The following NOTCH3 variants were observed in gnomAD, a reference collection of about 807,000 sequenced individuals.
NOTCH3 encodes notch receptor 3.
NOTCH3 carries 86 observed loss-of-function variants against 213.3 expected under a neutral mutation model. The ratio of observed to expected loss-of-function variants is 0.40; its 90% CI spans 0.34 to 0.48. The LOEUF (loss-of-function observed/expected upper bound fraction) is 0.48. Among genes scored for constraint, NOTCH3 ranks in the 20% least tolerant of loss-of-function variants. The probability of loss-of-function intolerance (pLI) is 0.57; values close to 1 mark genes in which losing one functional copy is unlikely to be tolerated. For missense variants in NOTCH3, 2,783 were observed against 3,272.6 expected, an observed-to-expected ratio of 0.85 and a Z score of 3.65; for synonymous variants, 1,354 against 1,355.9, an observed-to-expected ratio of 1.00 and a Z score of 0.03.
chr19:15,178,711 C>T, intron 23 of NOTCH3, 112 bp downstream of exon 23: 1 of 807,076 alleles, frequency 1.2e-6, no homozygotes, highest in South Asian at 1.4e-5. Context: ...CCAGAAACTC[C>T]CTTCCCTTCG....
rs1456247012 is a variant in NOTCH3 at position 15,200,804 on chromosome 19, C to A, written c.102G>T (p.Ala34=). Residue 34 remains alanine (A), a synonymous_variant, in exon 1 of 33, where the codon GCG becomes GCT. Transcript: ENST00000263388. ...VRALPLLLLL[A]GPGAAAPPCL... is the part of the protein sequence containing the mutation. ...GCCCCTCACCTGCAGCCCCCGGCCC[C>A]GCTAGCAGCAGCAGCAGGGGCAGCG... is the stretch of plus-strand genomic sequence containing the variant. The A allele has an allele frequency of 7.9e-7, 1 of 1,272,938 alleles. No homozygotes were observed. Among genetic ancestry groups the A allele is most frequent in the Non-Finnish European group, 1.0e-6 (1 of 1,003,654 alleles). 78.9% of individuals were successfully genotyped at this position (1,272,938 alleles called of 1,614,324 possible).
intron 15 of NOTCH3, among the ~76,000 whole-genome samples, 175 bp downstream of exon 15, chr19:15,184,731 A>C (rs987595017): frequency 2.0e-5 from 3 of 152,124 alleles, no homozygotes; most frequent in African/African-American, 7.2e-5. Context: ...TTCCTCTTCC[A>C]AGGGCTGACC....
chr19:15,199,562 G>A (rs747531126), intron 1 of NOTCH3, among the ~76,000 whole-genome samples: 17 of 152,214 alleles, frequency 1.1e-4, no homozygotes, highest in Non-Finnish European at 1.9e-4. Context: ...GTATGTCAAT[G>A]TGTGAGCTGT....
At chr19:15,174,934 G>A (rs960383770) in intron 24 of NOTCH3, among the ~76,000 whole-genome samples, 10 of 151,974 alleles carry the variant, frequency 6.6e-5, no homozygotes, top group South Asian at 4.2e-4. Context: ...TGCCCACGCC[G>A]GAGTGCAGTG....
Position 15,185,090 on chromosome 19 carries a change from C to G in NOTCH3, c.2297-71G>C. Reference sequence around the variant, plus strand: ...TCCCTGATCCCATCTCCCCCCACCTCCCCCAACCCCAGGGTCCCCACCTTG... The same window carrying G: ...TCCCTGATCCCATCTCCCCCCACCTGCCCCAACCCCAGGGTCCCCACCTTG... On this transcript the variant is annotated intron_variant, in intron 14 of 32. Coordinates refer to ENST00000263388, the MANE Select transcript of NOTCH3 (RefSeq NM_000435.3). The surrounding 1 kb of genome is among the most constrained non-coding windows in gnomAD (Gnocchi z 4.2). The G allele has an allele frequency of 8.5e-7, 1 of 1,181,756 alleles. No homozygotes were observed. 73.2% of individuals were successfully genotyped at this position (1,181,756 alleles called of 1,614,324 possible). A position where few individuals can be genotyped will look rare whatever the true frequency, so the allele number is the denominator to read the frequency against.
At chr19:15,179,550 T>C (rs547597679) in intron 20 of NOTCH3, 54 bp from the exon 21 acceptor site, 2 of 1,594,476 alleles carry the variant, frequency 1.3e-6, no homozygotes, top group East Asian at 2.2e-5. Flanking sequence ...CAGACCCACC[T>C]GGACATACCC....
chr19:15,200,717 C>T (rs938024758), intron 1 of NOTCH3, 71 bp downstream of exon 1: 3 of 1,143,132 alleles, frequency 2.6e-6, no homozygotes, highest in Non-Finnish European at 3.3e-6. Context: ...CCCCCGCCAG[C>T]CCCGGCCTTG....
intron 28 of NOTCH3, among the ~76,000 whole-genome samples, chr19:15,169,186 G>GTCTCTGTCTCTCTC (rs1555726050): frequency 6.8e-6 from 1 of 146,656 alleles, no homozygotes; most frequent in Non-Finnish European, 1.5e-5. Flanking sequence ...TGTCAAATCT[G>GTCTCTGTCTCTCTC]TCTCTCTCTC....
In NOTCH3 at chr19:15,170,713, C is replaced by A; in HGVS notation, c.4849G>T (p.Val1617Leu). 1 of 1,601,182 alleles carries A rather than the reference C, an allele frequency of 6.2e-7. No homozygotes were observed. The highest frequency in any genetic ancestry group is 8.5e-7 in the Non-Finnish European group (1 of 1,174,568). Residue 1617 changes from valine to leucine, a missense_variant, in exon 26 of 33, where the codon GTG becomes TTG. By Grantham distance (32) the Val-to-Leu change is conservative. This residue lies in a region of NOTCH3 where 636 missense variants were observed against 801.8 expected (regional missense o/e 0.79). Transcript: ENST00000263388. The stretch of plus-strand genomic sequence containing the variant: ...GGGTACGGGAAGTCCAGGCGCTCCA[C>A]CGCTGACAACGCTCCCAGGTAGTCA... ...AADYLGALSA[V>L]ERLDFPYPLR...
In NOTCH3 at chr19:15,200,776, C is replaced by T; in HGVS notation, c.118+12G>A. The T allele has an allele frequency of 1.5e-6, 2 of 1,292,718 alleles. No homozygotes were observed. The highest frequency in any genetic ancestry group is 2.0e-6 in the Non-Finnish European group (2 of 1,014,756). 80.1% of individuals were successfully genotyped at this position (1,292,718 alleles called of 1,614,324 possible). On this transcript the variant is annotated intron_variant, in intron 1 of 32. Coordinates refer to ENST00000263388, the MANE Select transcript of NOTCH3 (RefSeq NM_000435.3). ...CCGCCCTCGTCCCATCCGCCAGGTC[C>T]CGGCCCCTCACCTGCAGCCCCCGGC... is the stretch of plus-strand genomic sequence containing the variant.
At chr19:15,177,412 A>G (rs1031308901) in intron 24 of NOTCH3, 113 bp downstream of exon 24, 28 of 959,548 alleles carry the variant, frequency 2.9e-5, no homozygotes, top group Non-Finnish European at 4.4e-5. Flanking sequence ...TAGAGTGCAC[A>G]GAGAAACAGA....
Position 15,166,109 on chromosome 19 carries a change from T to C in NOTCH3, c.5363-18A>G. 6.2e-7 allele frequency: 1 copy of C among 1,611,600 alleles called. No homozygotes were observed. The highest frequency in any genetic ancestry group is 2.2e-5 in the East Asian group (1 of 44,858). On this transcript the variant is annotated intron_variant, in intron 29 of 32. Coordinates refer to ENST00000263388, the MANE Select transcript of NOTCH3 (RefSeq NM_000435.3). ...GAAGCCATCTGCAGGGACAGGAGTG[T>C]GTCAGCAGGAAGGTAAACACAGGGC...
Position 15,181,590 on chromosome 19 carries a change from G to A in NOTCH3, c.2778C>T (p.Pro926=). Residue 926 remains proline, a synonymous_variant, in exon 17 of 33, where the codon CCC becomes CCT. Coordinates refer to ENST00000263388, the MANE Select transcript of NOTCH3 (RefSeq NM_000435.3). The part of the protein sequence containing the change: ...YGGFHCEQDL[P]DCSPSSCFNG... ...GCCCCGCCCACCTGGGGCTGCAGTC[G>A]GGCAGGTCCTGTTCGCAGTGGAAGC... The A allele has an allele frequency of 6.5e-7, 1 of 1,550,266 alleles. No individual in the cohort carries two copies. The highest frequency in any genetic ancestry group is 8.7e-7 in the Non-Finnish European group (1 of 1,146,568).
In NOTCH3 at chr19:15,181,645, A is replaced by T. The variant is rs753893262; in HGVS notation, c.2723T>A (p.Phe908Tyr). Reference sequence around the variant, plus strand: ...GTAGCCTGGCGGGCAGGTGCAGGTGAAGGAGGCCACGTGGTCGGTACAGGT... The same window carrying T: ...GTAGCCTGGCGGGCAGGTGCAGGTGTAGGAGGCCACGTGGTCGGTACAGGT... ...PGTCTDHVAS[F>Y]TCTCPPGYGG... The change falls in exon 17 of 33, where the codon TTC becomes TAC. Residue 908 changes from phenylalanine (F) to tyrosine (Y), a missense_variant. Phe to Tyr is a conservative substitution (Grantham distance 22). Coordinates refer to ENST00000263388, the MANE Select transcript of NOTCH3 (RefSeq NM_000435.3). 3.3e-5 allele frequency: 51 copies of T among 1,551,944 alleles called. No homozygotes were observed. The South Asian group carries it at 5.9e-4, about 18-fold the overall frequency.
chr19:15,178,112 G>A, intron 23 of NOTCH3, 22 bp from the exon 24 acceptor site: 2 of 1,490,862 alleles, frequency 1.3e-6, no homozygotes, highest in East Asian at 2.6e-5. Context: ...GTTTGGGGAG[G>A]GAGGGATAAA....
intron 1 of NOTCH3, among the ~76,000 whole-genome samples, chr19:15,200,034 G>A (rs1359275358): frequency 8.1e-6 from 1 of 123,558 alleles, no homozygotes. Context: ...CGGGGGAGGG[G>A]AGGGAGGAGA....
Position 15,185,434 on chromosome 19 carries a change from G to A in NOTCH3, c.2145-26C>T, listed in dbSNP as rs376116180. On this transcript the variant is annotated intron_variant, in intron 13 of 32. Transcript: ENST00000263388. The surrounding 1 kb of genome is among the most constrained non-coding windows in gnomAD (Gnocchi z 4.2). ...CTGGCAGGGGAAGGTAGTCAGGCCA[G>A]GGAGGTGGGCCAGGGAGAGGGGGCA... 11 of 1,611,952 alleles carry A rather than the reference G, an allele frequency of 6.8e-6. No homozygotes were observed. The highest frequency in any genetic ancestry group is 9.3e-6 in the Non-Finnish European group (11 of 1,179,110).
At position 15,197,585 on chromosome 19, in the gene NOTCH3, G is replaced by A. The variant is rs1486049863; in HGVS notation, c.119-7C>T. ...CCGTCCAGGCAAGGGGGGGCTGTGT[G>A]GGGGTGAAGGAAGGTGGAGGATCAG... On this transcript the variant is annotated splice_region_variant and splice_polypyrimidine_tract_variant and intron_variant, in intron 1 of 32. Coordinates refer to ENST00000263388, the MANE Select transcript of NOTCH3 (RefSeq NM_000435.3). The A allele has an allele frequency of 6.2e-7, 1 of 1,610,926 alleles. No homozygotes were observed. The highest frequency in any genetic ancestry group is 8.5e-7 in the Non-Finnish European group (1 of 1,179,530).
At chr19:15,184,166 C>A in intron 16 of NOTCH3, 129 bp downstream of exon 16, 1 of 961,628 alleles carries the variant, frequency 1.0e-6, no homozygotes, top group Non-Finnish European at 1.6e-6. Context: ...GCCTCAGTTT[C>A]CATATAAATA....
Sources: gnomAD v4.1 joint callset for allele counts (sites outside exome capture counted in the v4.1 genomes callset) on GRCh38, gnomAD v4.1.1 for gene constraint, gnomAD v4.1.1 regional missense constraint, Gnocchi (gnomAD v3.1) non-coding constraint, MANE v1.5 for transcripts, NCBI Gene and HGNC (gene_info 2026-07-23, HGNC 2026-07-21) for gene names.